TOR1AIP2: variants seen among roughly 807,000 people sequenced by gnomAD.
TOR1AIP2 encodes torsin 1A interacting protein 2.
TOR1AIP2 carries 20 observed loss-of-function variants against 32.6 expected under a neutral mutation model. The observed-to-expected ratio is 0.61, with a 90% CI of 0.43 to 0.89. TOR1AIP2 has a LOEUF of 0.89. Among genes scored for constraint, TOR1AIP2 ranks in the 40% least tolerant of loss-of-function variants. The probability of loss-of-function intolerance (pLI) is 0.00; values close to 1 mark genes in which losing one functional copy is unlikely to be tolerated. For missense variants in TOR1AIP2, 456 were observed against 553.8 expected (o/e 0.82, Z 1.77); for synonymous variants, 214 against 210.8 (o/e 1.02, Z -0.13).
intron 4 of TOR1AIP2, among the ~76,000 whole-genome samples, chr1:179,851,587 A>T (rs116567562): frequency 6.6e-6 from 1 of 152,196 alleles, no homozygotes; most frequent in Non-Finnish European, 1.5e-5. Flanking sequence ...AAAACAAATT[A>T]TATGACAGAA....
intron 3 of TOR1AIP2, among the ~76,000 whole-genome samples, chr1:179,855,159 CA>C (rs1336987215): frequency 6.6e-6 from 1 of 152,112 alleles, no homozygotes; most frequent in Non-Finnish European, 1.5e-5. Flanking sequence ...TTGAGAATAT[CA>C]AATATCTTTA....
intron 6 of TOR1AIP2, 97 bp from the exon 7 acceptor site, chr1:179,846,925 T>C (rs1695930392): frequency 7.5e-7 from 1 of 1,334,268 alleles, no homozygotes; most frequent in Non-Finnish European, 1.0e-6. Context: ...TACCAGCAGG[T>C]TTTACTAGGA....
chr1:179,855,065 GA>G (rs1450032938), intron 3 of TOR1AIP2, among the ~76,000 whole-genome samples: 1 of 152,094 alleles, frequency 6.6e-6, no homozygotes, highest in Non-Finnish European at 1.5e-5. Flanking sequence ...CAAATAGGGG[GA>G]AAAATTAGAT....
At chr1:179,872,360 G>C (rs1242480697) in intron 2 of TOR1AIP2, among the ~76,000 whole-genome samples, 1 of 152,284 alleles carries the variant, frequency 6.6e-6, no homozygotes, top group East Asian at 1.9e-4. Context: ...GTCAGATCTG[G>C]TGCCAAGCTT....
chr1:179,866,554 T>C (rs917568238), intron 2 of TOR1AIP2, among the ~76,000 whole-genome samples: 22 of 152,148 alleles, frequency 1.4e-4, no homozygotes, highest in Non-Finnish European at 8.8e-5. Flanking sequence ...TACAGGTATG[T>C]GCCACCATGC....
intron 3 of TOR1AIP2, chr1:179,864,820 T>C: frequency 6.2e-7 from 1 of 1,611,446 alleles, no homozygotes. Flanking sequence ...AGGTTTTATC[T>C]GTTCTGGTCA....
rs1051063041 is a variant in TOR1AIP2 at position 179,842,623 on chromosome 1, T to C, written c.*3448A>G. The stretch of plus-strand genomic sequence containing the variant: ...AAGTTGTTCTGTAAGAGTAACTAAA[T>C]GGCAACGTTTAGGTACCACATACAA... On this transcript the variant is annotated 3_prime_UTR_variant, in exon 7 of 7. Coordinates refer to ENST00000609928, the MANE Select transcript of TOR1AIP2 (RefSeq NM_001199260.2). 5.9e-5 allele frequency: 9 copies of C among 152,206 alleles called. No homozygotes were observed. Among genetic ancestry groups the C allele is most frequent in the African/African-American group, 2.2e-4 (9 of 41,454 alleles). 9.4% of individuals were successfully genotyped at this position (152,206 alleles called of 1,614,324 possible).
intron 3 of TOR1AIP2, among the ~76,000 whole-genome samples, chr1:179,858,201 G>GTA (rs1266974422): frequency 6.6e-6 from 1 of 151,874 alleles, no homozygotes; most frequent in Non-Finnish European, 1.5e-5. Context: ...GTTTGTGTAT[G>GTA]TATATATATT....
chr1:179,867,835 G>A (rs1185593166), intron 2 of TOR1AIP2: 1 of 152,186 alleles, frequency 6.6e-6, no homozygotes, highest in African/African-American at 2.4e-5. Context: ...CCTGCATCAA[G>A]AGAACTCCAC....
At position 179,846,805 on chromosome 1, in the gene TOR1AIP2, C is replaced by T. The variant is rs768473709; in HGVS notation, c.679G>A (p.Val227Ile). The T allele has an allele frequency of 1.1e-4, 180 of 1,603,460 alleles. 1 individual carries two copies. Among genetic ancestry groups the T allele is most frequent in the Middle Eastern group, 1.7e-4 (1 of 6,042 alleles). Residue 227 changes from valine to isoleucine, a missense_variant, in exon 7 of 7, where the codon GTT becomes ATT. By Grantham distance (29) the Val-to-Ile change is conservative. Transcript: ENST00000609928. ...SYGPVILVVL[V>I]VAVVASSVNS... The stretch of plus-strand genomic sequence containing the variant: ...ACAGAACTTGCCACAACAGCCACAA[C>T]CAGGACGACAAGAATCACAGGGCCT...
intron 2 of TOR1AIP2, chr1:179,876,278 T>G (rs1463978050): frequency 6.6e-6 from 1 of 152,196 alleles, no homozygotes; most frequent in Non-Finnish European, 1.5e-5. Context: ...AATACATTAT[T>G]AAAACACCCA....
chr1:179,859,469 C>T (rs1696428513), intron 3 of TOR1AIP2: 1 of 985,300 alleles, frequency 1.0e-6, no homozygotes, highest in African/African-American at 1.7e-5. Flanking sequence ...AGCACCCTGA[C>T]TCTGGAAAAC....
rs184306469 is a variant in TOR1AIP2 at position 179,864,794 on chromosome 1, C to T, written c.-147+642G>A. The T allele has an allele frequency of 2.9e-3, 4,650 of 1,597,834 alleles. 9 individuals are homozygous for T. Among genetic ancestry groups the T allele is most frequent in the Non-Finnish European group, 3.6e-3 (4,248 of 1,172,970 alleles). On this transcript the variant is annotated intron_variant, in intron 3 of 6. Coordinates refer to ENST00000609928, the MANE Select transcript of TOR1AIP2 (RefSeq NM_001199260.2). ...CTATTATAGAAGCTATTTGTTTTGG[C>T]CCAGTTTTTTGTTTAAGGTTTTATC...
Position 179,840,757 on chromosome 1 carries a change from T to TG in TOR1AIP2, c.*5313dup, listed in dbSNP as rs1319761322. On this transcript the variant is annotated 3_prime_UTR_variant, in exon 7 of 7. Coordinates refer to ENST00000609928, the MANE Select transcript of TOR1AIP2 (RefSeq NM_001199260.2). ...TGGGGCCTGTCAGGGGGTGGGGGGC[T>TG]GGGGGAGGGATAGCATTAGGAGAAA... 1.7e-4 allele frequency: 3 copies of TG among 17,882 alleles called. No individual in the cohort carries two copies. In the East Asian group the frequency reaches 3.5e-3, roughly 21 times the overall value. 1.1% of individuals were successfully genotyped at this position (17,882 alleles called of 1,614,324 possible). A position where few individuals can be genotyped will look rare whatever the true frequency, so the allele number is the denominator to read the frequency against.
intron 3 of TOR1AIP2, among the ~76,000 whole-genome samples, chr1:179,856,912 G>A (rs978316075): frequency 2.0e-5 from 3 of 152,186 alleles, no homozygotes; most frequent in Non-Finnish European, 4.4e-5. Context: ...ACTGCGCCCA[G>A]CCAAGCAGGT....
chr1:179,856,081 G>A (rs1230137278), intron 3 of TOR1AIP2, among the ~76,000 whole-genome samples: 1 of 152,106 alleles, frequency 6.6e-6, no homozygotes, highest in African/African-American at 2.4e-5. Flanking sequence ...TGCTGAGGTG[G>A]GAGGATCACT....
At chr1:179,860,113 G>A in intron 3 of TOR1AIP2, 1 of 982,812 alleles carries the variant, frequency 1.0e-6, no homozygotes, top group Non-Finnish European at 1.2e-6. Context: ...CTCCCAAAGT[G>A]CTGGAATTAC....
Position 179,851,007 on chromosome 1 carries a change from G to A in TOR1AIP2, c.391C>T (p.His131Tyr). 1.2e-6 allele frequency: 2 copies of A among 1,614,220 alleles called. No individual in the cohort carries two copies. The highest frequency in any genetic ancestry group is 1.1e-5 in the South Asian group (1 of 91,088). The change falls in exon 5 of 7, where the codon CAC becomes TAC. Residue 131 changes from histidine (H) to tyrosine (Y), a missense_variant. Coordinates refer to ENST00000609928, the MANE Select transcript of TOR1AIP2 (RefSeq NM_001199260.2). ...PSDKVGRADA[H>Y]LGSSSVALPK... is the part of the protein sequence containing the mutation. ...AGGGCCACAGAGCTGCTCCCTAAGT[G>A]TGCATCTGCTCTTCCTACCTTGTCA... is the stretch of plus-strand genomic sequence containing the variant.
At chr1:179,856,216 G>T (rs1277803189) in intron 3 of TOR1AIP2, among the ~76,000 whole-genome samples, 2 of 152,094 alleles carry the variant, frequency 1.3e-5, no homozygotes, top group Non-Finnish European at 2.9e-5. Context: ...TGAGGTGGTG[G>T]TTCCATTTGT....
Sources: gnomAD v4.1 joint callset for allele counts (sites outside exome capture counted in the v4.1 genomes callset) on GRCh38, gnomAD v4.1.1 for gene constraint, MANE v1.5 for transcripts, NCBI Gene and HGNC (gene_info 2026-07-23, HGNC 2026-07-21) for gene names.